The following PHEX variants were observed in gnomAD, a reference collection of about 807,000 sequenced individuals.
PHEX encodes the protein phosphate regulating endopeptidase X-linked.
In PHEX, 16 loss-of-function variants were observed where a neutral mutation model predicts 68.0. That is an observed-to-expected ratio of 0.24 (90% CI 0.16 to 0.36). PHEX has a LOEUF of 0.36. Among genes scored for constraint, PHEX ranks in the 10% least tolerant of loss-of-function variants. The pLI, the probability that PHEX is intolerant of heterozygous loss-of-function variation, is 1.00. For synonymous variants in PHEX, 208 were observed against 205.1 expected, an observed-to-expected ratio of 1.01 and a Z score of -0.12; for missense variants, 480 against 575.5, an observed-to-expected ratio of 0.83 and a Z score of 1.70.
At chrX:22,219,162 G>GTTAA (rs945152379) in intron 17 of PHEX, 59 bp downstream of exon 17, 17 of 743,613 alleles carry the variant, frequency 2.3e-5, no homozygotes, top group Non-Finnish European at 1.1e-5. Flanking sequence ...CTATATGGAT[G>GTTAA]TTAATTGTTA....
At chrX:22,043,229 A>G (rs965529851) in intron 2 of PHEX, among the ~76,000 whole-genome samples, 2 of 112,454 alleles carry the variant, frequency 1.8e-5, no homozygotes, top group Non-Finnish European at 3.7e-5. Context: ...AACTACATAC[A>G]TACGTACATA....
chrX:22,141,582 CA>C (rs1361264728), intron 12 of PHEX, among the ~76,000 whole-genome samples: 65 of 99,883 alleles, frequency 6.5e-4, no homozygotes, highest in Middle Eastern at 5.1e-3. Flanking sequence ...AAAAAACAAA[CA>C]AAAAAAAAAA....
At chrX:22,169,232 G>A (rs746574854) in intron 13 of PHEX, among the ~76,000 whole-genome samples, 6 of 111,871 alleles carry the variant, frequency 5.4e-5, no homozygotes, top group Non-Finnish European at 1.1e-4. Context: ...AAAAGTGAGA[G>A]AAAGCATTAA....
At chrX:22,171,670 A>T (rs764800763) in intron 13 of PHEX, 1 of 110,520 alleles carries the variant, frequency 9.0e-6, no homozygotes, top group African/African-American at 3.3e-5. Flanking sequence ...AATAAAACCC[A>T]CCCTAAAAAT....
At chrX:22,210,348 C>A (rs1346703973) in intron 15 of PHEX, among the ~76,000 whole-genome samples, 1 of 111,926 alleles carries the variant, frequency 8.9e-6, no homozygotes, top group Admixed American at 9.5e-5. Flanking sequence ...GACATAGAGG[C>A]TCATGCAGGT....
chrX:22,167,732 C>A (rs1053309901), intron 12 of PHEX, among the ~76,000 whole-genome samples: 1 of 110,357 alleles, frequency 9.1e-6, no homozygotes, highest in African/African-American at 3.3e-5. Flanking sequence ...TGGCCTCAAG[C>A]AATCCTCCTG....
At position 22,150,881 on chromosome X, in the gene PHEX, C is replaced by T. The variant is rs975495656; in HGVS notation, c.1404+17257C>T. On this transcript the variant is annotated intron_variant, in intron 12 of 21. Transcript: ENST00000379374. The stretch of plus-strand genomic sequence containing the variant: ...ATTGCTTTGCCTTGAATATAGGTGG[C>T]CTTTCTGATTTCTCTCCCTAGACTG... 4.5e-5 allele frequency among the ~76,000 whole-genome samples: 5 copies of T among 112,294 alleles called. No individual in the cohort carries two copies. In the East Asian group the frequency reaches 8.3e-4, roughly 19 times the overall value.
At chrX:22,143,758 C>T (rs1031352758) in intron 12 of PHEX, among the ~76,000 whole-genome samples, 3 of 112,224 alleles carry the variant, frequency 2.7e-5, no homozygotes, top group African/African-American at 6.5e-5. Flanking sequence ...GTTTAATTGG[C>T]GTCCCCATTG....
At chrX:22,241,245 C>T (rs747240915) in intron 20 of PHEX, among the ~76,000 whole-genome samples, 2 of 111,993 alleles carry the variant, frequency 1.8e-5, no homozygotes, top group African/African-American at 6.5e-5. Flanking sequence ...AAAGACACAA[C>T]GTACCTGAAT....
At chrX:22,120,468 A>AT (rs922429461) in intron 11 of PHEX, among the ~76,000 whole-genome samples, 4 of 111,846 alleles carry the variant, frequency 3.6e-5, no homozygotes, top group East Asian at 2.8e-4. Context: ...TACATTTCAT[A>AT]TTTTTTAACA....
At chrX:22,070,424 A>T (rs1264051770) in intron 3 of PHEX, among the ~76,000 whole-genome samples, 2 of 112,015 alleles carry the variant, frequency 1.8e-5, no homozygotes, top group Non-Finnish European at 3.8e-5. Context: ...TCATGCCTGT[A>T]ATCCCAGCAC....
intron 1 of PHEX, 34 bp from the exon 2 acceptor site, chrX:22,038,435 C>G: frequency 9.9e-7 from 1 of 1,007,483 alleles, no homozygotes; most frequent in Non-Finnish European, 1.4e-6. Context: ...TGGTCTGCTA[C>G]AACTCAGCCA....
At chrX:22,062,483 C>G (rs1928413595) in intron 3 of PHEX, among the ~76,000 whole-genome samples, 1 of 111,536 alleles carries the variant, frequency 9.0e-6, no homozygotes, top group Admixed American at 9.5e-5. Flanking sequence ...AGAAAACTTA[C>G]CCATGAGGCA....
At chrX:22,227,652 G>A in intron 20 of PHEX, 41 bp downstream of exon 20, 1 of 926,626 alleles carries the variant, frequency 1.1e-6, no homozygotes, top group Non-Finnish European at 1.6e-6. Context: ...TGAGATGCAG[G>A]ACTTGAGTTT....
intron 13 of PHEX, among the ~76,000 whole-genome samples, chrX:22,173,198 C>T (rs1369675252): frequency 8.9e-6 from 1 of 112,390 alleles, no homozygotes. Flanking sequence ...TCAAGGGACC[C>T]CTGGCCATCA....
intron 14 of PHEX, among the ~76,000 whole-genome samples, chrX:22,180,068 G>C (rs1394914846): frequency 9.2e-6 from 1 of 108,507 alleles, no homozygotes; most frequent in Non-Finnish European, 1.9e-5. Flanking sequence ...TCTTCTCTGT[G>C]GTATGTAGCT....
intron 11 of PHEX, among the ~76,000 whole-genome samples, chrX:22,128,999 A>G (rs1050046567): frequency 1.8e-5 from 2 of 111,341 alleles, no homozygotes; most frequent in African/African-American, 6.5e-5. Flanking sequence ...CTAATAATAA[A>G]ATAGAACAGT....
chrX:22,246,060 A>G (rs749392927), intron 21 of PHEX, among the ~76,000 whole-genome samples: 13 of 112,179 alleles, frequency 1.2e-4, no homozygotes, highest in African/African-American at 3.9e-4. Context: ...GAGAGTCTAC[A>G]TTTTGGCTTT....
At chrX:22,160,620 C>T (rs1315642871) in intron 12 of PHEX, among the ~76,000 whole-genome samples, 5 of 108,871 alleles carry the variant, frequency 4.6e-5, no homozygotes, top group Non-Finnish European at 5.7e-5. Flanking sequence ...ATAAAACCAT[C>T]AGATCTCCTG....
Sources: gnomAD v4.1 joint callset for allele counts (sites outside exome capture counted in the v4.1 genomes callset) on GRCh38, gnomAD v4.1.1 for gene constraint, MANE v1.5 for transcripts, NCBI Gene and HGNC (gene_info 2026-07-23, HGNC 2026-07-21) for gene names.